TBC1D30: variants seen among roughly 807,000 people sequenced by gnomAD.
TBC1D30 encodes the protein TBC1 domain family, member 30.
In TBC1D30, 31 loss-of-function variants were observed where a neutral mutation model predicts 63.2. That is an observed-to-expected ratio of 0.49 (90% CI 0.37 to 0.66). The LOEUF is 0.66. TBC1D30 is among the 30% of genes least tolerant of loss of function. TBC1D30 has a pLI of 0.00. For synonymous variants in TBC1D30, 307 were observed against 361.5 expected (o/e 0.85, Z 1.71); for missense variants, 810 against 953.6 (o/e 0.85, Z 1.98).
chr12:64,832,676 T>A (rs780140280), intron 5 of TBC1D30, among the ~76,000 whole-genome samples: 2 of 152,216 alleles, frequency 1.3e-5, no homozygotes, highest in African/African-American at 4.8e-5. Context: ...CAAGGACACA[T>A]CACTGTTGCT....
intron 2 of TBC1D30, among the ~76,000 whole-genome samples, chr12:64,815,610 G>GA (rs958790326): frequency 6.6e-5 from 10 of 152,018 alleles, no homozygotes; most frequent in African/African-American, 1.7e-4. Flanking sequence ...ATAAATTCAT[G>GA]AAAAAACTCA....
chr12:64,776,876 T>A (rs1231739617), upstream of TBC1D30, among the ~76,000 whole-genome samples: 2 of 152,162 alleles, frequency 1.3e-5, no homozygotes, highest in African/African-American at 4.8e-5. Flanking sequence ...ACTGGCAAAC[T>A]GAATCCAGCA....
At chr12:64,769,696 A>AT (rs1870839015) in intron 1 of TBC1D30, among the ~76,000 whole-genome samples, 1 of 150,802 alleles carries the variant, frequency 6.6e-6, no homozygotes. Flanking sequence ...TAATTTTTGT[A>AT]TTTTTAGTAA....
At chr12:64,781,689 T>C (rs1465918890) in intron 1 of TBC1D30, among the ~76,000 whole-genome samples, 1 of 89,550 alleles carries the variant, frequency 1.1e-5, no homozygotes, top group Non-Finnish European at 2.2e-5. Flanking sequence ...GGCTGTTCTT[T>C]CCTTTTTTTT....
chr12:64,842,045 A>G (rs545962629), intron 7 of TBC1D30, among the ~76,000 whole-genome samples: 3 of 152,212 alleles, frequency 2.0e-5, no homozygotes, highest in African/African-American at 7.2e-5. Flanking sequence ...TACAATACAA[A>G]CAACGTTGTC....
Position 64,875,862 on chromosome 12 carries a change from A to C in TBC1D30, c.*74A>C. 5.0e-6 allele frequency: 7 copies of C among 1,392,028 alleles called. No homozygotes were observed. In the South Asian group the frequency reaches 9.0e-5, roughly 18 times the overall value. The allele number at this position is 1,392,028 out of a possible 1,614,324, so 86.2% of individuals were successfully genotyped here. On this transcript the variant is annotated 3_prime_UTR_variant, in exon 12 of 12. Coordinates refer to ENST00000539867, the MANE Select transcript of TBC1D30 (RefSeq NM_015279.2). The stretch of plus-strand genomic sequence containing the variant: ...AGGGTTGCAGCTGAATGGCTCTAAA[A>C]GAGTTTTATTTGTCCAGTGAAAATG...
At chr12:64,835,664 A>C (rs1277533777) in intron 5 of TBC1D30, among the ~76,000 whole-genome samples, 3 of 152,150 alleles carry the variant, frequency 2.0e-5, no homozygotes, top group East Asian at 1.9e-4. Flanking sequence ...GTAGTGATTC[A>C]ATACTATTAT....
chr12:64,786,434 C>A (rs1297875923), intron 2 of TBC1D30, among the ~76,000 whole-genome samples: 1 of 152,028 alleles, frequency 6.6e-6, no homozygotes, highest in Non-Finnish European at 1.5e-5. Context: ...CAGGTTCAGG[C>A]AATTCTCCTG....
chr12:64,797,958 C>G (rs1006911183), intron 2 of TBC1D30, among the ~76,000 whole-genome samples: 1 of 152,172 alleles, frequency 6.6e-6, no homozygotes, highest in Non-Finnish European at 1.5e-5. Context: ...TGAAACCAAA[C>G]ATTAAAGTCA....
intron 8 of TBC1D30, among the ~76,000 whole-genome samples, chr12:64,856,407 C>T (rs755409482): frequency 2.0e-5 from 3 of 152,206 alleles, no homozygotes; most frequent in Non-Finnish European, 4.4e-5. Context: ...GCCCCAAGCC[C>T]AATAATGCTG....
chr12:64,867,459 CA>C (rs72095710), intron 10 of TBC1D30, among the ~76,000 whole-genome samples: 2,132 of 131,312 alleles, frequency 0.016, 31 homozygotes, highest in African/African-American at 0.043. Flanking sequence ...GACTCCATCT[CA>C]AAAAAAAAAA....
chr12:64,852,848 C>G (rs1349135807), intron 8 of TBC1D30, among the ~76,000 whole-genome samples: 1 of 152,160 alleles, frequency 6.6e-6, no homozygotes, highest in Non-Finnish European at 1.5e-5. Flanking sequence ...GCTGCCTGTT[C>G]CTTCCTCTGG....
chr12:64,866,935 T>G (rs1041290504), intron 10 of TBC1D30, 32 bp downstream of exon 10: 105 of 1,534,468 alleles, frequency 6.8e-5, no homozygotes, highest in Non-Finnish European at 8.8e-5. Flanking sequence ...TAGATTATCA[T>G]GATGTATTGG....
chr12:64,760,062 C>T (rs963140212), intron 1 of TBC1D30, among the ~76,000 whole-genome samples: 1 of 152,184 alleles, frequency 6.6e-6, no homozygotes, highest in African/African-American at 2.4e-5. Context: ...TAGGGATGTC[C>T]TGACAGCTTT....
chr12:64,779,225 C>G (rs1039257572), upstream of TBC1D30: 1 of 152,102 alleles, frequency 6.6e-6, no homozygotes, highest in African/African-American at 2.4e-5. Context: ...TCAGTGTTTA[C>G]TCCTCTGAAA....
intron 1 of TBC1D30, among the ~76,000 whole-genome samples, chr12:64,764,646 G>A (rs145455308): frequency 2.4e-4 from 37 of 152,334 alleles, no homozygotes; most frequent in African/African-American, 8.4e-4. Flanking sequence ...CAGGAAATAG[G>A]ATCTCATGCT....
chr12:64,810,163 T>C (rs1873123607), intron 2 of TBC1D30, among the ~76,000 whole-genome samples: 1 of 152,204 alleles, frequency 6.6e-6, no homozygotes, highest in Non-Finnish European at 1.5e-5. Flanking sequence ...CCTTTGGTAT[T>C]TGAGACAACC....
intron 1 of TBC1D30, among the ~76,000 whole-genome samples, chr12:64,784,928 T>C (rs929403023): frequency 3.9e-5 from 6 of 152,100 alleles, no homozygotes; most frequent in Non-Finnish European, 5.9e-5. Flanking sequence ...ATTATTGTAA[T>C]TTATCTGTGT....
chr12:64,844,449 G>T (rs908005965), intron 8 of TBC1D30, among the ~76,000 whole-genome samples: 2 of 152,100 alleles, frequency 1.3e-5, no homozygotes, highest in African/African-American at 4.8e-5. Context: ...TTTGATACAG[G>T]CATGCAATGC....
Sources: gnomAD v4.1 joint callset for allele counts (sites outside exome capture counted in the v4.1 genomes callset) on GRCh38, gnomAD v4.1.1 for gene constraint, MANE v1.5 for transcripts, NCBI Gene and HGNC (gene_info 2026-07-23, HGNC 2026-07-21) for gene names.